Variants in ZNF700 observed in about 807,000 individuals in gnomAD.
ZNF700 encodes zinc finger protein 700.
In ZNF700, 38 loss-of-function variants were observed where a neutral mutation model predicts 65.3. The observed-to-expected ratio is 0.58, with a 90% confidence interval of 0.45 to 0.76. The LOEUF (loss-of-function observed/expected upper bound fraction) is 0.76, where lower values mean the gene tolerates loss of function less well. Ranked by LOEUF, ZNF700 falls within the 30% of genes least tolerant of loss-of-function variation. ZNF700 has a pLI of 0.00. For synonymous variants in ZNF700, 285 were observed against 290.4 expected, an observed-to-expected ratio of 0.98 and a Z score of 0.19; for missense variants, 857 against 888.4, an observed-to-expected ratio of 0.96 and a Z score of 0.45.
At chr19:11,937,270 A>G (rs1049852723) in intron 1 of ZNF700, among the ~76,000 whole-genome samples, 1 of 152,124 alleles carries the variant, frequency 6.6e-6, no homozygotes, top group Admixed American at 6.6e-5. Context: ...GAAGTTCTGT[A>G]TCTAATTCAT....
intron 1 of ZNF700, among the ~76,000 whole-genome samples, chr19:11,928,520 C>T (rs1203761314): frequency 6.7e-6 from 1 of 149,290 alleles, no homozygotes; most frequent in Non-Finnish European, 1.5e-5. Context: ...ATCACGAGGT[C>T]AGGAGATCGA....
intron 1 of ZNF700, among the ~76,000 whole-genome samples, chr19:11,942,292 A>T (rs548720981): frequency 2.6e-5 from 4 of 151,574 alleles, no homozygotes; most frequent in African/African-American, 9.7e-5. Flanking sequence ...GTCATCAAAG[A>T]TTACACTTTG....
chr19:11,947,245 T>A lies in ZNF700; in HGVS notation c.128T>A (p.Ile43Asn). The A allele has an allele frequency of 1.2e-6, 2 of 1,614,080 alleles. No homozygotes were observed. Among genetic ancestry groups the A allele is most frequent in the Non-Finnish European group, 1.7e-6 (2 of 1,180,002 alleles). ...CAGGAAGAGTGGACATTGCTGGATATTTCCCAGAAGAATCTCTTCAGGGAA... is the reference window on the plus strand; with the variant it reads ...CAGGAAGAGTGGACATTGCTGGATAATTCCCAGAAGAATCTCTTCAGGGAA... ...FTQEEWTLLDISQKNLFREVM... is the reference protein window; with the variant it reads ...FTQEEWTLLDNSQKNLFREVM... Residue 43 changes from isoleucine to asparagine, a missense_variant, in exon 2 of 4, where the codon ATT becomes AAT. By Grantham distance (149) the Ile-to-Asn change is moderately radical (BLOSUM62 -3). Around this residue, in one of 3 missense-constraint regions of ZNF700, gnomAD observed 603 missense variants for 619.9 expected, o/e 0.97. Transcript: ENST00000254321.
At chr19:11,947,708 A>G in intron 3 of ZNF700, 134 bp downstream of exon 3, 1 of 944,534 alleles carries the variant, frequency 1.1e-6, no homozygotes, top group Non-Finnish European at 1.6e-6. Flanking sequence ...TTCTCAAAAA[A>G]CATATATTTA....
chr19:11,930,963 C>T (rs1160300617), intron 1 of ZNF700, among the ~76,000 whole-genome samples: 1 of 146,160 alleles, frequency 6.8e-6, no homozygotes, highest in Non-Finnish European at 1.5e-5. Context: ...TGCGCCATTG[C>T]TCTCTAGCCA....
chr19:11,933,683 C>G (rs1373466247), intron 1 of ZNF700, among the ~76,000 whole-genome samples: 1 of 147,558 alleles, frequency 6.8e-6, no homozygotes, highest in Non-Finnish European at 1.5e-5. Flanking sequence ...GAAGGTCTCT[C>G]GATACCTTTG....
intron 1 of ZNF700, among the ~76,000 whole-genome samples, chr19:11,939,308 A>G (rs951124727): frequency 1.3e-5 from 2 of 152,138 alleles, no homozygotes; most frequent in South Asian, 2.1e-4. Flanking sequence ...GCCCATGCCT[A>G]TGTCTGAATG....
intron 1 of ZNF700, among the ~76,000 whole-genome samples, chr19:11,932,199 C>G (rs1001727788): frequency 2.7e-5 from 4 of 147,080 alleles, no homozygotes; most frequent in Admixed American, 1.3e-4. Context: ...AAAAACTTAC[C>G]TGGTCATGGT....
In ZNF700 at chr19:11,947,560, CAGA is replaced by C; in HGVS notation, c.243_245del (p.Arg81del). ...ACATTGAATATGAGTACCAAAACCC[CAGA>C]AGAAGCTTCAGGTAATTTGCATTTC... On this transcript the variant is annotated inframe_deletion, in exon 3 of 4. Coordinates refer to ENST00000254321, the MANE Select transcript of ZNF700 (RefSeq NM_144566.3). The C allele has an allele frequency of 6.2e-7, 1 of 1,613,448 alleles. No individual in the cohort carries two copies. The highest frequency in any genetic ancestry group is 8.5e-7 in the Non-Finnish European group (1 of 1,179,882).
At chr19:11,947,881 A>T (rs45603541) in intron 3 of ZNF700, among the ~76,000 whole-genome samples, 1,915 of 152,184 alleles carry the variant, frequency 0.013, 22 homozygotes, top group South Asian at 0.024. Flanking sequence ...GTGTGTATGC[A>T]TCGGTAGTCC....
chr19:11,946,315 C>T (rs1335813559), intron 1 of ZNF700, among the ~76,000 whole-genome samples: 1 of 152,138 alleles, frequency 6.6e-6, no homozygotes, highest in African/African-American at 2.4e-5. Flanking sequence ...AGAGGAGGCA[C>T]AGGTGCTGTG....
intron 1 of ZNF700, among the ~76,000 whole-genome samples, chr19:11,938,368 A>C (rs1022183237): frequency 6.6e-6 from 1 of 152,042 alleles, no homozygotes; most frequent in Non-Finnish European, 1.5e-5. Flanking sequence ...ATATCTCCTT[A>C]TGCTATCCCT....
intron 1 of ZNF700, among the ~76,000 whole-genome samples, chr19:11,936,540 T>A (rs1047644409): frequency 4.6e-5 from 7 of 152,216 alleles, no homozygotes; most frequent in African/African-American, 1.4e-4. Context: ...GGGTTGTTTG[T>A]TTTTTTCTTG....
At chr19:11,937,099 G>A (rs1479243203) in intron 1 of ZNF700, among the ~76,000 whole-genome samples, 3 of 152,110 alleles carry the variant, frequency 2.0e-5, no homozygotes, top group Non-Finnish European at 4.4e-5. Flanking sequence ...CCAATTTATC[G>A]ATTTTCTCAT....
chr19:11,940,548 T>C (rs1486422596), intron 1 of ZNF700, among the ~76,000 whole-genome samples: 1 of 151,682 alleles, frequency 6.6e-6, no homozygotes, highest in Admixed American at 6.6e-5. Context: ...GCTTCAGGAG[T>C]GAAGCTGCAG....
chr19:11,936,115 C>A lies in ZNF700; in HGVS notation c.63+10842C>A, dbSNP rs545156168. On this transcript the variant is annotated intron_variant, in intron 1 of 3. Coordinates refer to ENST00000254321, the MANE Select transcript of ZNF700 (RefSeq NM_144566.3). ...CTTAATCCAGTCTATCATTGGTGGA[C>A]ATTTGGGTTGGTTCCAAGTCTTTGC... Among the ~76,000 whole-genome samples the A allele has an allele frequency of 1.3e-3, 193 of 152,254 alleles. 1 individual carries two copies. The highest frequency in any genetic ancestry group is 4.6e-3 in the African/African-American group (191 of 41,530).
rs534584986 is a variant in ZNF700, at chr19:11,949,165, GA to G, written c.1147del (p.Thr383LeufsTer104). 4.2e-4 allele frequency: 682 copies of G among 1,612,682 alleles called. 3 individuals are homozygous for G. The African/African-American group carries it at 8.4e-3, about 20-fold the overall frequency. On this transcript the variant is annotated frameshift_variant, in exon 4 of 4. Coordinates refer to ENST00000254321, the MANE Select transcript of ZNF700 (RefSeq NM_144566.3). LOFTEE classifies it high-confidence loss of function. Reference protein sequence around the residue: ...FYSAKSFQTHEKTHTGEKRYK... With the variant: ...FYSAKSFQTHXKTHTGEKRYK... ...TTCTGCCAAGTCATTTCAAACACATGAAAAAACTCACACTGGAGAGAAACGC... is the reference window on the plus strand; with the variant it reads ...TTCTGCCAAGTCATTTCAAACACATGAAAAACTCACACTGGAGAGAAACGC...
intron 1 of ZNF700, chr19:11,946,741 T>C (rs547862387): frequency 1.3e-5 from 2 of 154,522 alleles, no homozygotes; most frequent in East Asian, 1.9e-4. Flanking sequence ...AAATCCCTTT[T>C]TGAAATTTTT....
At chr19:11,942,377 A>T (rs1972898613) in intron 1 of ZNF700, among the ~76,000 whole-genome samples, 1 of 151,650 alleles carries the variant, frequency 6.6e-6, no homozygotes, top group South Asian at 2.1e-4. Context: ...AATTCATAGG[A>T]CTCCGTTATG....
Sources: allele counts gnomAD v4.1 joint callset (sites outside exome capture counted in the v4.1 genomes callset), GRCh38; gene constraint gnomAD v4.1.1; regional missense constraint gnomAD v4.1.1; transcripts MANE v1.5; gene names NCBI Gene and HGNC (gene_info 2026-07-23, HGNC 2026-07-21).